The following CDH13 variants were observed in gnomAD, a reference collection of about 807,000 sequenced individuals.
CDH13 encodes the protein cadherin 13, also known as cadherin-13.
Under a neutral mutation model 63.8 loss-of-function variants are expected in CDH13, and 24 were observed. The ratio of observed to expected loss-of-function variants is 0.38; its 90% CI spans 0.27 to 0.53. The LOEUF is 0.53. Among genes scored for constraint, CDH13 ranks in the 20% least tolerant of loss-of-function variants. CDH13 has a pLI of 0.85. For synonymous variants in CDH13, 503 were observed against 355.3 expected (o/e 1.42, Z -4.67); for missense variants, 1,049 against 903.1 (o/e 1.16, Z -2.07).
chr16:82,963,831 T>C (rs1419290812), intron 2 of CDH13, among the ~76,000 whole-genome samples: 3 of 152,144 alleles, frequency 2.0e-5, no homozygotes, highest in African/African-American at 7.2e-5. Flanking sequence ...CTGCCTGACT[T>C]CTGAAGCCCT....
chr16:82,890,882 C>A (rs932632300), intron 2 of CDH13, among the ~76,000 whole-genome samples: 15 of 151,992 alleles, frequency 9.9e-5, no homozygotes, highest in African/African-American at 3.4e-4. Context: ...GAACTCCTGA[C>A]CTCCAGTGAT....
intron 3 of CDH13, among the ~76,000 whole-genome samples, chr16:83,050,893 ATTTGTC>A (rs1175848601): frequency 4.6e-5 from 7 of 151,794 alleles, no homozygotes; most frequent in Non-Finnish European, 2.9e-5. Context: ...ACCACCTTGT[ATTTGTC>A]TTTAGTTCCT....
At position 83,087,591 on chromosome 16, in the gene CDH13, G is replaced by C. The variant is rs143567565; in HGVS notation, c.367-37794G>C. On this transcript the variant is annotated intron_variant, in intron 3 of 13. Transcript: ENST00000567109. ...GCTGATGCAGCAGACTCACTTGAAC[G>C]CGGGAGCCGGAGGTCACAGCGAGCC... is the stretch of plus-strand genomic sequence containing the variant. Among the ~76,000 whole-genome samples the C allele has an allele frequency of 3.7e-3, 547 of 148,992 alleles. 6 individuals are homozygous for C. Among genetic ancestry groups the C allele is most frequent in the African/African-American group, 0.013 (518 of 40,230 alleles).
intron 8 of CDH13, among the ~76,000 whole-genome samples, chr16:83,660,452 G>A (rs1913333854): frequency 6.6e-6 from 1 of 152,178 alleles, no homozygotes; most frequent in African/African-American, 2.4e-5. Flanking sequence ...GATCTGACAG[G>A]AGGTGGAGCT....
chr16:83,390,942 T>C (rs2091773891), intron 6 of CDH13, among the ~76,000 whole-genome samples: 1 of 152,182 alleles, frequency 6.6e-6, no homozygotes. Context: ...GCCTGGCTCT[T>C]AGCAGGCCAG....
chr16:83,489,075 C>T (rs2073955064), intron 7 of CDH13, among the ~76,000 whole-genome samples: 1 of 152,222 alleles, frequency 6.6e-6, no homozygotes, highest in African/African-American at 2.4e-5. Context: ...CAAAGCTTCT[C>T]ACAAGATCCT....
chr16:83,028,046 C>T (rs1567758473), intron 2 of CDH13, among the ~76,000 whole-genome samples: 1 of 152,116 alleles, frequency 6.6e-6, no homozygotes, highest in East Asian at 1.9e-4. Flanking sequence ...TCCAGAACCC[C>T]CACAAACTTT....
intron 1 of CDH13, among the ~76,000 whole-genome samples, chr16:82,766,213 C>T (rs917522322): frequency 3.3e-5 from 5 of 152,158 alleles, no homozygotes; most frequent in South Asian, 2.1e-4. Flanking sequence ...AGATGTCTAG[C>T]GTAACTTCTT....
intron 2 of CDH13, among the ~76,000 whole-genome samples, chr16:82,904,149 T>C (rs1192531806): frequency 1.3e-5 from 2 of 152,208 alleles, no homozygotes; most frequent in African/African-American, 4.8e-5. Flanking sequence ...AAAACACCTG[T>C]ATATAACTTG....
intron 7 of CDH13, among the ~76,000 whole-genome samples, chr16:83,544,224 C>G (rs2075343184): frequency 6.6e-6 from 1 of 152,090 alleles, no homozygotes; most frequent in Admixed American, 6.5e-5. Flanking sequence ...GTAGTTCACC[C>G]AATGTCATAT....
chr16:82,856,214 A>C (rs1348598761), intron 1 of CDH13, among the ~76,000 whole-genome samples: 1 of 151,856 alleles, frequency 6.6e-6, no homozygotes, highest in Non-Finnish European at 1.5e-5. Context: ...GTCTCTACTA[A>C]AAATAGAAAA....
intron 2 of CDH13, among the ~76,000 whole-genome samples, chr16:82,968,602 G>C (rs1908219472): frequency 6.6e-6 from 1 of 152,096 alleles, no homozygotes; most frequent in Non-Finnish European, 1.5e-5. Context: ...CCACTATCCT[G>C]AAAACATGGA....
chr16:83,141,045 C>T (rs1211590797), intron 4 of CDH13, among the ~76,000 whole-genome samples: 1 of 152,212 alleles, frequency 6.6e-6, no homozygotes, highest in East Asian at 1.9e-4. Flanking sequence ...CACTATTTCC[C>T]TTCCTGTTGC....
At chr16:82,838,220 A>C (rs550364766) in intron 1 of CDH13, among the ~76,000 whole-genome samples, 1 of 152,214 alleles carries the variant, frequency 6.6e-6, no homozygotes, top group African/African-American at 2.4e-5. Context: ...CTCTAATGGA[A>C]GTATCATTCT....
chr16:83,596,546 G>A (rs1027814309), intron 7 of CDH13, among the ~76,000 whole-genome samples: 1 of 152,142 alleles, frequency 6.6e-6, no homozygotes, highest in East Asian at 1.9e-4. Flanking sequence ...CACCTAAAGA[G>A]CATCTCTTCC....
At chr16:83,077,972 A>ATTCTG (rs59527473) in intron 3 of CDH13, among the ~76,000 whole-genome samples, 3,279 of 152,154 alleles carry the variant, frequency 0.022, 99 homozygotes, top group African/African-American at 0.075. Context: ...CTTATTGACC[A>ATTCTG]TTCTGTTCTG....
chr16:83,645,451 C>T (rs892697164), intron 8 of CDH13, among the ~76,000 whole-genome samples: 1 of 152,136 alleles, frequency 6.6e-6, no homozygotes, highest in Non-Finnish European at 1.5e-5. Flanking sequence ...CTATCAGGTA[C>T]AGTGTTTGCT....
At chr16:82,933,410 C>A (rs566191812) in intron 2 of CDH13, among the ~76,000 whole-genome samples, 1 of 152,286 alleles carries the variant, frequency 6.6e-6, no homozygotes, top group South Asian at 2.1e-4. Context: ...AATCACCACT[C>A]ATGAGGTCCC....
intron 1 of CDH13, among the ~76,000 whole-genome samples, chr16:82,758,338 GTTGA>G (rs2034699046): frequency 6.6e-6 from 1 of 152,198 alleles, no homozygotes; most frequent in South Asian, 2.1e-4. Flanking sequence ...GAAATGGGAA[GTTGA>G]TTGAGGAACT....
Sources: gnomAD v4.1 joint callset for allele counts (sites outside exome capture counted in the v4.1 genomes callset) on GRCh38, gnomAD v4.1.1 for gene constraint, MANE v1.5 for transcripts, NCBI Gene and HGNC (gene_info 2026-07-23, HGNC 2026-07-21) for gene names.